Variants in SPAM1 observed in about 807,000 individuals in gnomAD.
SPAM1 encodes hyaluronidase PH-20.
Under a neutral mutation model 29.6 loss-of-function variants are expected in SPAM1, and 22 were observed. The ratio of observed to expected loss-of-function variants is 0.74; its 90% CI spans 0.53 to 1.06. The LOEUF (loss-of-function observed/expected upper bound fraction) is 1.06, where lower values mean the gene tolerates loss of function less well. Ranked by LOEUF, SPAM1 falls within the 50% of genes least tolerant of loss-of-function variation. The pLI is 0.00. For synonymous variants in SPAM1, 194 were observed against 204.6 expected, an observed-to-expected ratio of 0.95 and a Z score of 0.44; for missense variants, 534 against 604.0, an observed-to-expected ratio of 0.88 and a Z score of 1.21.
chr7:123,945,337 T>A (rs1439450369), intron 1 of SPAM1, among the ~76,000 whole-genome samples: 1 of 152,020 alleles, frequency 6.6e-6, no homozygotes, highest in Admixed American at 6.6e-5. Context: ...TTCTTCAGAA[T>A]GCACCTCTGA....
At chr7:123,930,158 C>A (rs1247135026) in intron 1 of SPAM1, among the ~76,000 whole-genome samples, 3 of 152,046 alleles carry the variant, frequency 2.0e-5, no homozygotes, top group African/African-American at 7.2e-5. Context: ...CCAAAATGCT[C>A]TTTTTTTGTC....
chr7:123,937,658 C>T (rs181480058), intron 1 of SPAM1, among the ~76,000 whole-genome samples: 159 of 149,550 alleles, frequency 1.1e-3, no homozygotes, highest in African/African-American at 3.7e-3. Context: ...TCCCAGCATT[C>T]GTGGAATTTA....
intron 1 of SPAM1, among the ~76,000 whole-genome samples, chr7:123,944,819 C>A (rs1808525487): frequency 6.6e-6 from 1 of 151,890 alleles, no homozygotes; most frequent in Non-Finnish European, 1.5e-5. Flanking sequence ...GGGAGAGAAA[C>A]CTGAAAACAA....
At chr7:123,939,239 T>C (rs955459951) in intron 1 of SPAM1, among the ~76,000 whole-genome samples, 1 of 151,878 alleles carries the variant, frequency 6.6e-6, no homozygotes, top group South Asian at 2.1e-4. Flanking sequence ...GCGCCCGCCA[T>C]CATGCCCGGC....
downstream of SPAM1, among the ~76,000 whole-genome samples, chr7:123,964,823 TAA>T (rs1222934459): frequency 2.0e-5 from 3 of 152,062 alleles, no homozygotes; most frequent in Non-Finnish European, 4.4e-5. Flanking sequence ...CAAATGTTTT[TAA>T]GGGCTGAGCA....
chr7:123,950,199 C>T (rs1808714980), intron 2 of SPAM1, among the ~76,000 whole-genome samples: 1 of 152,054 alleles, frequency 6.6e-6, no homozygotes, highest in African/African-American at 2.4e-5. Context: ...ATAAGGTTCT[C>T]TATTAGGGTA....
At chr7:123,959,197 C>T (rs908284120) in intron 4 of SPAM1, among the ~76,000 whole-genome samples, 1 of 152,036 alleles carries the variant, frequency 6.6e-6, no homozygotes, top group African/African-American at 2.4e-5. Context: ...CTGTAGCATT[C>T]TATCCCCTGA....
intron 1 of SPAM1, among the ~76,000 whole-genome samples, chr7:123,942,562 G>A (rs1808463306): frequency 6.6e-6 from 1 of 152,098 alleles, no homozygotes; most frequent in South Asian, 2.1e-4. Flanking sequence ...TTAAAAAATT[G>A]GCTTTGCTGA....
chr7:123,946,005 A>G (rs889992649), intron 1 of SPAM1, among the ~76,000 whole-genome samples: 1 of 152,180 alleles, frequency 6.6e-6, no homozygotes, highest in African/African-American at 2.4e-5. Context: ...AGGAGAATTA[A>G]GACCAGCTGA....
At chr7:123,931,569 C>T (rs1054880637) in intron 1 of SPAM1, among the ~76,000 whole-genome samples, 1 of 152,224 alleles carries the variant, frequency 6.6e-6, no homozygotes, top group Non-Finnish European at 1.5e-5. Context: ...TATGGCTCTT[C>T]ATACTTTGCT....
At position 123,955,155 on chromosome 7, in the gene SPAM1, A is replaced by G; in HGVS notation, c.1044+69A>G. 4 of 1,127,832 alleles carry G rather than the reference A, an allele frequency of 3.5e-6. No individual in the cohort carries two copies. In the South Asian group the frequency reaches 5.0e-5, roughly 14 times the overall value. The allele number at this position is 1,127,832 out of a possible 1,614,324, so 69.9% of individuals were successfully genotyped here. ...TAATGTTTTTGGGGATTGTTTTGGT[A>G]TTAAATAAGAAAATAAGTAGTACTA... On this transcript the variant is annotated intron_variant, in intron 4 of 4. Coordinates refer to ENST00000682466, the MANE Select transcript of SPAM1 (RefSeq NM_153189.3).
At chr7:123,956,877 C>A (rs1359701149) in intron 4 of SPAM1, among the ~76,000 whole-genome samples, 1 of 151,912 alleles carries the variant, frequency 6.6e-6, no homozygotes, top group African/African-American at 2.4e-5. Context: ...TTGGCCATGG[C>A]AGGAGTATTT....
downstream of SPAM1, chr7:123,960,185 G>C: frequency 1.7e-6 from 1 of 583,236 alleles, no homozygotes; most frequent in Non-Finnish European, 2.8e-6. Flanking sequence ...TGTATTCCAG[G>C]AGTCAATAGC....
downstream of SPAM1, among the ~76,000 whole-genome samples, chr7:123,961,160 C>A (rs567996306): frequency 4.6e-5 from 7 of 151,856 alleles, no homozygotes; most frequent in South Asian, 1.5e-3. Context: ...TCAAACATTT[C>A]TTTGTGTTGG....
Position 123,953,442 on chromosome 7 carries a change from A to C in SPAM1, c.-129A>C, listed in dbSNP as rs1488462150. The C allele has an allele frequency of 1.8e-6, 1 of 554,982 alleles. No individual in the cohort carries two copies. Among genetic ancestry groups the C allele is most frequent in the African/African-American group, 1.9e-5 (1 of 52,040 alleles). 34.4% of individuals were successfully genotyped at this position (554,982 alleles called of 1,614,324 possible). A position where few individuals can be genotyped will look rare whatever the true frequency, so the allele number is the denominator to read the frequency against. On this transcript the variant is annotated 5_prime_UTR_variant, in exon 3 of 5. Transcript: ENST00000682466. ...AATATTTAAATGTAACTTAATCATT[A>C]TACCTCTTTATCCATCAAAGTGAAT...
downstream of SPAM1, among the ~76,000 whole-genome samples, chr7:123,962,723 T>A (rs1339850256): frequency 1.3e-5 from 2 of 151,950 alleles, no homozygotes; most frequent in African/African-American, 4.8e-5. Context: ...CTGCTCATTA[T>A]GAAATAATAC....
intron 2 of SPAM1, among the ~76,000 whole-genome samples, chr7:123,952,065 A>G (rs1792108174): frequency 6.6e-6 from 1 of 152,094 alleles, no homozygotes; most frequent in African/African-American, 2.4e-5. Context: ...CCATTCAGGC[A>G]TTAGTATTGA....
intron 1 of SPAM1, among the ~76,000 whole-genome samples, chr7:123,942,090 G>A (rs1280449758): frequency 6.6e-6 from 1 of 152,192 alleles, no homozygotes; most frequent in Non-Finnish European, 1.5e-5. Flanking sequence ...TAAATAGGTT[G>A]CTGTTATTTT....
At chr7:123,962,498 C>A (rs1435848378), downstream of SPAM1, among the ~76,000 whole-genome samples, 1 of 151,840 alleles carries the variant, frequency 6.6e-6, no homozygotes, top group Non-Finnish European at 1.5e-5. Flanking sequence ...CTTTGCCATG[C>A]AGAAGCTTTT....
Sources: allele counts gnomAD v4.1 joint callset (sites outside exome capture counted in the v4.1 genomes callset), GRCh38; gene constraint gnomAD v4.1.1; transcripts MANE v1.5; gene names NCBI Gene and HGNC (gene_info 2026-07-23, HGNC 2026-07-21).